SNRPN: variants seen among roughly 807,000 people sequenced by gnomAD.
SNRPN encodes the protein small nuclear ribonucleoprotein-associated protein N.
Under a neutral mutation model 25.2 loss-of-function variants are expected in SNRPN, and 7 were observed. The observed-to-expected ratio is 0.28, with a 90% CI of 0.16 to 0.52. The LOEUF is 0.52. Among genes scored for constraint, SNRPN ranks in the 20% least tolerant of loss-of-function variants. The probability of loss-of-function intolerance (pLI) is 0.96; values close to 1 mark genes in which losing one functional copy is unlikely to be tolerated. For synonymous variants in SNRPN, 124 were observed against 110.6 expected (o/e 1.12, Z -0.76); for missense variants, 196 against 322.5 (o/e 0.61, Z 3.00).
At chr15:24,928,467 A>G (rs1270404388) in intron 3 of SNRPN, among the ~76,000 whole-genome samples, 2 of 152,116 alleles carry the variant, frequency 1.3e-5, no homozygotes, top group Non-Finnish European at 2.9e-5. Context: ...TAAATGAAAT[A>G]AGCCAGGCAC....
chr15:24,943,387 C>A (rs1368457468), intron 3 of SNRPN, among the ~76,000 whole-genome samples: 1 of 152,046 alleles, frequency 6.6e-6, no homozygotes, highest in Non-Finnish European at 1.5e-5. Flanking sequence ...TTCTCTTTTT[C>A]CATCATCTGA....
chr15:24,912,178 G>A (rs776240988), intron 2 of SNRPN, among the ~76,000 whole-genome samples: 5 of 152,072 alleles, frequency 3.3e-5, no homozygotes, highest in African/African-American at 7.2e-5. Context: ...CCATGGGGTC[G>A]AGCTATGTCA....
At chr15:24,892,455 C>T (rs2057751161) in intron 2 of SNRPN, among the ~76,000 whole-genome samples, 1 of 144,774 alleles carries the variant, frequency 6.9e-6, no homozygotes, top group Non-Finnish European at 1.5e-5. Flanking sequence ...TATTAAATTC[C>T]CCAAAGAGGC....
At chr15:24,963,301 A>G (rs986572021) in intron 2 of SNRPN, among the ~76,000 whole-genome samples, 2 of 152,212 alleles carry the variant, frequency 1.3e-5, no homozygotes, top group Non-Finnish European at 2.9e-5. Context: ...GCTATTAACA[A>G]TGAAAAGAAC....
intron 3 of SNRPN, among the ~76,000 whole-genome samples, chr15:24,933,920 G>A (rs2061052603): frequency 1.3e-5 from 2 of 152,206 alleles, no homozygotes; most frequent in African/African-American, 4.8e-5. Context: ...TTTATACCAG[G>A]GGTCAGCCAA....
chr15:24,902,462 G>C (rs1419206699), intron 2 of SNRPN, among the ~76,000 whole-genome samples: 1 of 152,086 alleles, frequency 6.6e-6, no homozygotes, highest in African/African-American at 2.4e-5. Context: ...AGTATGAACA[G>C]ATGATGAACT....
intron 3 of SNRPN, chr15:24,921,241 A>T (rs1435189477): frequency 6.6e-6 from 1 of 152,192 alleles, no homozygotes; most frequent in African/African-American, 2.4e-5. Flanking sequence ...GTTAAAGAAG[A>T]TTGACATTAA....
intron 1 of SNRPN, among the ~76,000 whole-genome samples, chr15:24,872,439 AT>A (rs142616552): frequency 3.4e-5 from 4 of 116,838 alleles, no homozygotes; most frequent in Non-Finnish European, 5.6e-5. Flanking sequence ...TCAAAAATAC[AT>A]TTTTTTTTGG....
chr15:24,949,870 C>T (rs1472915121), intron 3 of SNRPN, among the ~76,000 whole-genome samples: 1 of 151,508 alleles, frequency 6.6e-6, no homozygotes, highest in African/African-American at 2.4e-5. Context: ...CTCTGTTGCC[C>T]AGGCTAAAGT....
At chr15:24,957,060 A>G (rs569366794) in intron 1 of SNRPN, among the ~76,000 whole-genome samples, 7 of 152,062 alleles carry the variant, frequency 4.6e-5, no homozygotes, top group South Asian at 4.2e-4. Context: ...CTAATTCTCT[A>G]TTTTCAAACT....
chr15:24,912,556 C>A (rs1164235515), intron 2 of SNRPN: 1 of 152,146 alleles, frequency 6.6e-6, no homozygotes, highest in Non-Finnish European at 1.5e-5. Flanking sequence ...ATTCTCATGT[C>A]ATGGCAAGGG....
intron 1 of SNRPN, among the ~76,000 whole-genome samples, chr15:24,878,599 G>T (rs1023118104): frequency 1.3e-5 from 2 of 152,104 alleles, no homozygotes; most frequent in Non-Finnish European, 2.9e-5. Context: ...AATTGTTCTG[G>T]TCTTGCACTT....
At chr15:24,951,835 G>C (rs60250722), upstream of SNRPN, among the ~76,000 whole-genome samples, 3,564 of 152,124 alleles carry the variant, frequency 0.023, 149 homozygotes, top group African/African-American at 0.082. Context: ...TATACATTCT[G>C]GATACTACAC....
At chr15:24,934,085 T>C (rs1595998990) in intron 3 of SNRPN, among the ~76,000 whole-genome samples, 1 of 151,638 alleles carries the variant, frequency 6.6e-6, no homozygotes, top group African/African-American at 2.4e-5. Context: ...ATCACCTGAG[T>C]TTGGGAGTTC....
upstream of SNRPN, among the ~76,000 whole-genome samples, chr15:24,854,603 T>C (rs933698419): frequency 1.4e-4 from 22 of 152,164 alleles, no homozygotes; most frequent in African/African-American, 5.3e-4. Context: ...ATCTTCCTTC[T>C]CAATAGATTT....
chr15:24,868,745 T>A (rs995777764), intron 1 of SNRPN, among the ~76,000 whole-genome samples: 1 of 152,186 alleles, frequency 6.6e-6, no homozygotes, highest in African/African-American at 2.4e-5. Context: ...ACAAAATGGA[T>A]TAGTCTCATG....
chr15:24,828,987 A>G (rs1595330640), intron 1 of SNRPN, among the ~76,000 whole-genome samples: 1 of 152,226 alleles, frequency 6.6e-6, no homozygotes, highest in Non-Finnish European at 1.5e-5. Flanking sequence ...AGGGAAAAAA[A>G]GAAACATGTT....
Position 24,881,377 on chromosome 15 carries a change from A to C in SNRPN, c.-578-5139A>C, listed in dbSNP as rs552196900. ...GTCTCTACTAAAAATACAAAAAAAA[A>C]ACAATGAGCTGGGCATGGGGGTGGA... On this transcript the variant is annotated intron_variant, in intron 1 of 11. Transcript: ENST00000400097. Among the ~76,000 whole-genome samples the C allele has an allele frequency of 2.3e-4, 35 of 151,484 alleles. No individual in the cohort carries two copies. The South Asian group carries it at 6.1e-3, about 26-fold the overall frequency.
At position 24,975,551 on chromosome 15, in the gene SNRPN, G is replaced by A. The variant is rs762773192; in HGVS notation, c.155+42G>A. On this transcript the variant is annotated intron_variant, in intron 5 of 9. Transcript: ENST00000390687. Reference sequence around the variant, plus strand: ...CAAATGGGGGTTGGACACAGAGGCAGTGGGAAGGGAAGGCCAGAGCTGGAG... The same window carrying A: ...CAAATGGGGGTTGGACACAGAGGCAATGGGAAGGGAAGGCCAGAGCTGGAG... The A allele has an allele frequency of 4.0e-5, 63 of 1,574,022 alleles. No homozygotes were observed. The Admixed American group carries it at 9.7e-4, about 24-fold the overall frequency.
Sources: gnomAD v4.1 joint callset for allele counts (sites outside exome capture counted in the v4.1 genomes callset) on GRCh38, gnomAD v4.1.1 for gene constraint, MANE v1.5 for transcripts, NCBI Gene and HGNC (gene_info 2026-07-23, HGNC 2026-07-21) for gene names.